NCR3LG1: variants seen among roughly 807,000 people sequenced by gnomAD.
The protein encoded by NCR3LG1 is natural cytotoxicity triggering receptor 3 ligand 1.
NCR3LG1 carries 35 observed loss-of-function variants against 34.8 expected under a neutral mutation model. The ratio of observed to expected loss-of-function variants is 1.01; its 90% CI spans 0.77 to 1.33. NCR3LG1 has a LOEUF of 1.33. Among genes scored for constraint, NCR3LG1 ranks in the 40% most tolerant of loss-of-function variants. The pLI, the probability that NCR3LG1 is intolerant of heterozygous loss-of-function variation, is 0.00. For synonymous variants in NCR3LG1, 173 were observed against 163.6 expected (o/e 1.06, Z -0.44); for missense variants, 452 against 423.3 (o/e 1.07, Z -0.60).
rs2133367729 is a variant in NCR3LG1, at chr11:17,374,142, G to A, written c.*1630G>A. The stretch of plus-strand genomic sequence containing the variant: ...GAAGGGAGACTAGTTCAGGACCTCT[G>A]CCTTATTCATGAGGCTGTGATTACG... On this transcript the variant is annotated 3_prime_UTR_variant, in exon 5 of 5. Transcript: ENST00000338965. 1 of 152,282 alleles carries A rather than the reference G, an allele frequency of 6.6e-6. No homozygotes were observed. Among genetic ancestry groups the A allele is most frequent in the South Asian group, 2.1e-4 (1 of 4,814 alleles). 9.4% of individuals were successfully genotyped at this position (152,282 alleles called of 1,614,324 possible).
chr11:17,370,574 C>T (rs538513311), intron 4 of NCR3LG1, among the ~76,000 whole-genome samples: 1 of 152,268 alleles, frequency 6.6e-6, no homozygotes, highest in African/African-American at 2.4e-5. Flanking sequence ...CTTTGTCAGT[C>T]CCCCTTCACC....
chr11:17,351,875 C>A lies in NCR3LG1; in HGVS notation c.-95C>A. 1 of 978,984 alleles carries A rather than the reference C, an allele frequency of 1.0e-6. No homozygotes were observed. The highest frequency in any genetic ancestry group is 1.5e-6 in the Non-Finnish European group (1 of 649,858). The allele number at this position is 978,984 out of a possible 1,614,324, so 60.6% of individuals were successfully genotyped here. On this transcript the variant is annotated 5_prime_UTR_variant, in exon 1 of 5. Coordinates refer to ENST00000338965, the MANE Select transcript of NCR3LG1 (RefSeq NM_001202439.3). ...GAAATCCCGGCTGTGTCTCCGTCAA[C>A]TCTTTACGCAACAGAGGTCTCCCCC...
chr11:17,357,708 T>TATAA (rs1953226749), intron 2 of NCR3LG1, among the ~76,000 whole-genome samples: 1 of 151,856 alleles, frequency 6.6e-6, no homozygotes, highest in Non-Finnish European at 1.5e-5. Flanking sequence ...TATATATCTA[T>TATAA]ATAAAGGGTC....
downstream of NCR3LG1, chr11:17,380,912 A>G (rs1299256380): frequency 6.6e-6 from 1 of 152,248 alleles, no homozygotes; most frequent in African/African-American, 2.4e-5. Context: ...ATGACCAGAA[A>G]TATGCTGTGA....
intron 1 of NCR3LG1, among the ~76,000 whole-genome samples, chr11:17,356,266 T>C (rs1024897557): frequency 6.6e-6 from 1 of 150,734 alleles, no homozygotes; most frequent in Non-Finnish European, 1.5e-5. Flanking sequence ...GCCTCCCGAG[T>C]AGCTGGGATT....
chr11:17,368,810 GT>G, intron 3 of NCR3LG1, 56 bp from the exon 4 acceptor site: 1 of 1,194,618 alleles, frequency 8.4e-7, no homozygotes, highest in Non-Finnish European at 1.2e-6. Context: ...CAGTTGTGTG[GT>G]TTCTCTGGCC....
chr11:17,354,254 A>G (rs1953178033), intron 1 of NCR3LG1, among the ~76,000 whole-genome samples: 5 of 152,260 alleles, frequency 3.3e-5, no homozygotes, highest in Admixed American at 2.6e-4. Context: ...TTTTCCTTGG[A>G]AACAAGACTG....
chr11:17,352,180 T>C (rs1330104277), intron 1 of NCR3LG1, 141 bp downstream of exon 1: 2 of 107,830 alleles, frequency 1.9e-5, no homozygotes, highest in African/African-American at 1.3e-4. Context: ...TCTTCTCCTT[T>C]TTTTTTTTTT....
rs1591678410 is a variant in NCR3LG1 at position 17,357,006 on chromosome 11, G to A, written c.421+5G>A. ...CAGTCCAGCTTGAAGTTGTGGGTGA[G>A]TGTCTCGGGGCAGTGCCCTACAGTT... On this transcript the variant is annotated splice_donor_5th_base_variant and intron_variant, in intron 2 of 4. Coordinates refer to ENST00000338965, the MANE Select transcript of NCR3LG1 (RefSeq NM_001202439.3). The A allele has an allele frequency of 2.0e-6, 3 of 1,503,292 alleles. No homozygotes were observed. The highest frequency in any genetic ancestry group is 8.9e-7 in the Non-Finnish European group (1 of 1,127,924). 93.1% of individuals were successfully genotyped at this position (1,503,292 alleles called of 1,614,324 possible).
At chr11:17,354,366 G>A (rs1348459594) in intron 1 of NCR3LG1, among the ~76,000 whole-genome samples, 1 of 152,230 alleles carries the variant, frequency 6.6e-6, no homozygotes, top group Non-Finnish European at 1.5e-5. Flanking sequence ...GAGGTCCTGG[G>A]TGAGCGCTTG....
downstream of NCR3LG1, chr11:17,381,032 C>A (rs1229717250): frequency 6.6e-6 from 1 of 152,186 alleles, no homozygotes; most frequent in Non-Finnish European, 1.5e-5. Context: ...TAAGTGAGGA[C>A]TTACTGTACT....
In NCR3LG1 at chr11:17,372,365, G is replaced by A; in HGVS notation, c.1218G>A (p.Glu406=). ...TAGATGATAATTCCACAAAGTCTGA[G>A]AAACAAACCCCTAGGGAACACTCGG... ...KSIDDNSTKS[E]KQTPREHSDA... is the part of the protein sequence containing the mutation. The change falls in exon 5 of 5, where the codon GAG becomes GAA. Residue 406 remains glutamate, a synonymous_variant. Coordinates refer to ENST00000338965, the MANE Select transcript of NCR3LG1 (RefSeq NM_001202439.3). 1.4e-6 allele frequency: 1 copy of A among 703,062 alleles called. No homozygotes were observed. The highest frequency in any genetic ancestry group is 1.5e-5 in the South Asian group (1 of 67,598). The allele number at this position is 703,062 out of a possible 1,614,324, so 43.6% of individuals were successfully genotyped here.
chr11:17,373,050 T>G lies in NCR3LG1; in HGVS notation c.*538T>G, dbSNP rs4756887. The stretch of plus-strand genomic sequence containing the variant: ...TGAAACACACTTCCTTGTCTCCTGT[T>G]AGGTATGTTTATACCTCACATAAAT... On this transcript the variant is annotated 3_prime_UTR_variant, in exon 5 of 5. Coordinates refer to ENST00000338965, the MANE Select transcript of NCR3LG1 (RefSeq NM_001202439.3). The G allele has an allele frequency of 0.49, 74,579 of 152,470 alleles. 19,016 individuals are homozygous for G. Among genetic ancestry groups the G allele is most frequent in the African/African-American group, 0.64 (26,347 of 41,432 alleles). 9.4% of individuals were successfully genotyped at this position (152,470 alleles called of 1,614,324 possible). A position where few individuals can be genotyped will look rare whatever the true frequency, so the allele number is the denominator to read the frequency against.
At chr11:17,356,136 C>CTTTTTTTTTTTTTTTTTT in intron 1 of NCR3LG1, among the ~76,000 whole-genome samples, 1 of 104,562 alleles carries the variant, frequency 9.6e-6, no homozygotes, top group Non-Finnish European at 1.8e-5. Context: ...TTCTTTCTTT[C>CTTTTTTTTTTTTTTTTTT]TTTTTTTTTT....
intron 1 of NCR3LG1, among the ~76,000 whole-genome samples, chr11:17,352,508 G>C (rs1336678145): frequency 6.6e-6 from 1 of 152,102 alleles, no homozygotes; most frequent in Non-Finnish European, 1.5e-5. Context: ...CCTCCTTTGT[G>C]AGAAGCGGAG....
rs895394455 is a variant in NCR3LG1 at position 17,363,911 on chromosome 11, A to G, written c.422-3098A>G. ...CATGCTTGGCCATCTTTGTCTTTCT[A>G]AAGTTGAAATATGATATGGCTAGAC... On this transcript the variant is annotated intron_variant, in intron 2 of 4. Transcript: ENST00000338965. Among the ~76,000 whole-genome samples the G allele has an allele frequency of 4.6e-5, 7 of 152,044 alleles. No individual in the cohort carries two copies. The East Asian group carries it at 1.2e-3, about 25-fold the overall frequency.
chr11:17,365,370 T>C (rs1953332923), intron 2 of NCR3LG1, among the ~76,000 whole-genome samples: 1 of 152,218 alleles, frequency 6.6e-6, no homozygotes, highest in Non-Finnish European at 1.5e-5. Flanking sequence ...GTTATTATAC[T>C]GGAGCCCTGT....
rs555147947 is a variant in NCR3LG1, at chr11:17,365,456, G to A, written c.422-1553G>A. Among the ~76,000 whole-genome samples, 4 of 152,284 alleles carry A rather than the reference G, an allele frequency of 2.6e-5. No individual in the cohort carries two copies. In the South Asian group the frequency reaches 8.3e-4, roughly 32 times the overall value. On this transcript the variant is annotated intron_variant, in intron 2 of 4. Coordinates refer to ENST00000338965, the MANE Select transcript of NCR3LG1 (RefSeq NM_001202439.3). ...AAATCTTATTCTTTTAGTGGCCTGA[G>A]CCTCTGGACTGTGGCCTTCAGAAGT...
chr11:17,372,473 A>G lies in NCR3LG1; in HGVS notation c.1326A>G (p.Leu442=), dbSNP rs1953421125. The G allele has an allele frequency of 1.4e-6, 1 of 702,464 alleles. No homozygotes were observed. The highest frequency in any genetic ancestry group is 1.7e-5 in the African/African-American group (1 of 57,184). The allele number at this position is 702,464 out of a possible 1,614,324, so 43.5% of individuals were successfully genotyped here. Residue 442 remains leucine, a synonymous_variant, in exon 5 of 5, where the codon CTA becomes CTG. Transcript: ENST00000338965. ...PPATTSTTPV[L]SSQPPTLLLP... ...CCACAACATCAACAACTCCAGTTCTATCCTCCCAACCCCCAACTTTACTGT... is the reference window on the plus strand; with the variant it reads ...CCACAACATCAACAACTCCAGTTCTGTCCTCCCAACCCCCAACTTTACTGT...
Sources: allele counts gnomAD v4.1 joint callset (sites outside exome capture counted in the v4.1 genomes callset), GRCh38; gene constraint gnomAD v4.1.1; transcripts MANE v1.5; gene names NCBI Gene and HGNC (gene_info 2026-07-23, HGNC 2026-07-21).